ARHGEF10: variants seen among roughly 807,000 people sequenced by gnomAD.
ARHGEF10 encodes the protein Rho guanine nucleotide exchange factor 10, also known as Rho guanine nucleotide exchange factor (GEF) 10.
In ARHGEF10, 140 loss-of-function variants were observed where a neutral mutation model predicts 147.4. The observed-to-expected ratio is 0.95, with a 90% CI of 0.83 to 1.09. The LOEUF is 1.09. Ranked by LOEUF, ARHGEF10 falls within the 50% of genes least tolerant of loss-of-function variation. The pLI, the probability that ARHGEF10 is intolerant of heterozygous loss-of-function variation, is 0.00. For missense variants in ARHGEF10, 2,222 were observed against 1,752.7 expected, an observed-to-expected ratio of 1.27 and a Z score of -4.78; for synonymous variants, 902 against 695.8, an observed-to-expected ratio of 1.30 and a Z score of -4.67.
At chr8:1,920,010 C>A (rs1321144292) in intron 18 of ARHGEF10, among the ~76,000 whole-genome samples, 2 of 146,466 alleles carry the variant, frequency 1.4e-5, no homozygotes, top group Non-Finnish European at 1.5e-5. Flanking sequence ...TGGAGCTGTT[C>A]TGTGGATGAT....
intron 23 of ARHGEF10, chr8:1,927,424 A>G (rs576804320): frequency 6.6e-6 from 1 of 152,374 alleles, no homozygotes; most frequent in South Asian, 2.1e-4. Flanking sequence ...AGTTGGTGGA[A>G]AAGAAAAAGA....
chr8:1,915,156 C>G (rs373971352), intron 18 of ARHGEF10, among the ~76,000 whole-genome samples: 38 of 152,130 alleles, frequency 2.5e-4, no homozygotes, highest in Non-Finnish European at 1.0e-4. Context: ...TGAGAAAGGC[C>G]TTCAAACATA....
In ARHGEF10 at chr8:1,948,108, G is replaced by T. The variant is rs1027966166; in HGVS notation, c.3397+2453G>T. Among the ~76,000 whole-genome samples, 1 of 152,030 alleles carries T rather than the reference G, an allele frequency of 6.6e-6. No homozygotes were observed. The highest frequency in any genetic ancestry group is 2.4e-5 in the African/African-American group (1 of 41,404). On this transcript the variant is annotated intron_variant, in intron 27 of 28. Transcript: ENST00000349830. This position sits in a 1 kb window ranked among gnomAD's most constrained non-coding sequence, Gnocchi z 4.9. ...CCCTTCAGCTCATAGTTTCCAGGCG[G>T]CCGATGATGGATCCATCCCAAGCCC...
chr8:1,925,387 AAGC>A lies in ARHGEF10; in HGVS notation c.2599_2601del (p.Gln867del). On this transcript the variant is annotated inframe_deletion, in exon 22 of 29. Coordinates refer to ENST00000349830, the MANE Select transcript of ARHGEF10 (RefSeq NM_014629.4). ...CGGACACATGCCCGTGATGGTGGCC[AAGC>A]AGCAGGAGTTCAAGGTGAAGGGAGG... 1 of 1,614,146 alleles carries A rather than the reference AAGC, an allele frequency of 6.2e-7. No homozygotes were observed. Among genetic ancestry groups the A allele is most frequent in the South Asian group, 1.1e-5 (1 of 91,076 alleles).
At chr8:1,943,154 C>G (rs896702381) in intron 26 of ARHGEF10, among the ~76,000 whole-genome samples, 13 of 152,352 alleles carry the variant, frequency 8.5e-5, no homozygotes, top group Admixed American at 6.5e-4. Flanking sequence ...AGCGGCCTGC[C>G]TAGCACAGGC....
rs140230426 is a variant in ARHGEF10 at position 1,924,029 on chromosome 8, C to T, written c.2488+155C>T. On this transcript the variant is annotated intron_variant, in intron 21 of 28. Coordinates refer to ENST00000349830, the MANE Select transcript of ARHGEF10 (RefSeq NM_014629.4). ...TAAACAGGAAAATTCACCCTGGCAC[C>T]GGCGATTTTTTAGATGTTCATATTA... Among the ~76,000 whole-genome samples the T allele has an allele frequency of 7.9e-5, 12 of 152,260 alleles. No individual in the cohort carries two copies. The East Asian group carries it at 1.4e-3, about 17-fold the overall frequency.
intron 1 of ARHGEF10, among the ~76,000 whole-genome samples, chr8:1,832,272 G>A (rs906818657): frequency 2.0e-5 from 3 of 152,162 alleles, no homozygotes; most frequent in African/African-American, 7.2e-5. Flanking sequence ...AGGCTGTGTC[G>A]AGGGTCATGT....
In ARHGEF10 at chr8:1,848,119, C is replaced by T. The variant is rs375754616; in HGVS notation, c.37+4683C>T. Among the ~76,000 whole-genome samples the T allele has an allele frequency of 2.6e-5, 4 of 152,348 alleles. No individual in the cohort carries two copies. In the South Asian group the frequency reaches 8.3e-4, roughly 32 times the overall value. On this transcript the variant is annotated intron_variant, in intron 2 of 28. Transcript: ENST00000349830. The stretch of plus-strand genomic sequence containing the variant: ...GGTAGCTTGTAGAATAAATATTTCG[C>T]TAAAGAAAACAGAAAATTGAAGTGT...
chr8:1,916,087 G>T (rs537545930), intron 18 of ARHGEF10, among the ~76,000 whole-genome samples: 1 of 152,214 alleles, frequency 6.6e-6, no homozygotes, highest in African/African-American at 2.4e-5. Context: ...CATAAGTCTC[G>T]TGGAGAAGAC....
At chr8:1,945,827 A>G (rs942086106) in intron 27 of ARHGEF10, 172 bp downstream of exon 27, 1 of 1,027,608 alleles carries the variant, frequency 9.7e-7, no homozygotes, top group African/African-American at 1.6e-5. Flanking sequence ...AGTACGGAGC[A>G]TGGTCAGCCC....
chr8:1,878,450 G>T (rs937918354), intron 8 of ARHGEF10, among the ~76,000 whole-genome samples: 1 of 152,196 alleles, frequency 6.6e-6, no homozygotes, highest in Non-Finnish European at 1.5e-5. Context: ...CCTCCAAAGT[G>T]CTGGGATTAC....
chr8:1,898,596 T>C, intron 15 of ARHGEF10, 71 bp downstream of exon 15: 1 of 1,466,250 alleles, frequency 6.8e-7, no homozygotes, highest in Non-Finnish European at 9.5e-7. Context: ...AAATGGCGTC[T>C]GTTCCTCCAC....
At chr8:1,901,354 C>T (rs3758017) in intron 15 of ARHGEF10, among the ~76,000 whole-genome samples, 29,426 of 152,120 alleles carry the variant, frequency 0.19, 5,530 homozygotes, top group African/African-American at 0.49. Context: ...TGCGTTCTTC[C>T]TGGTTAGTGC....
At chr8:1,921,644 A>G (rs1257545207) in intron 18 of ARHGEF10, among the ~76,000 whole-genome samples, 1 of 152,154 alleles carries the variant, frequency 6.6e-6, no homozygotes, top group African/African-American at 2.4e-5. Context: ...CTGAGGCAGG[A>G]GAATCGTTTG....
intron 15 of ARHGEF10, among the ~76,000 whole-genome samples, chr8:1,899,045 A>G (rs1426432865): frequency 6.6e-6 from 1 of 152,240 alleles, no homozygotes; most frequent in African/African-American, 2.4e-5. Context: ...TGCGATGGTG[A>G]AAACACTGTC....
chr8:1,906,330 C>T (rs773177110), intron 17 of ARHGEF10, among the ~76,000 whole-genome samples: 10 of 152,158 alleles, frequency 6.6e-5, no homozygotes, highest in Non-Finnish European at 8.8e-5. Context: ...TTCGTCATGT[C>T]TTGCAAGAGT....
At chr8:1,942,363 G>C (rs1410207898) in intron 26 of ARHGEF10, among the ~76,000 whole-genome samples, 1 of 151,656 alleles carries the variant, frequency 6.6e-6, no homozygotes, top group African/African-American at 2.4e-5. Context: ...AAGATGGTCA[G>C]CATTGTTGCT....
At chr8:1,838,691 C>T (rs11776743) in intron 1 of ARHGEF10, among the ~76,000 whole-genome samples, 8,750 of 152,370 alleles carry the variant, frequency 0.057, 309 homozygotes, top group South Asian at 0.16. Context: ...ATCCGATTGT[C>T]GGAAGCATTG....
At chr8:1,853,089 G>T (rs557872184) in intron 2 of ARHGEF10, among the ~76,000 whole-genome samples, 1 of 152,126 alleles carries the variant, frequency 6.6e-6, no homozygotes, top group South Asian at 2.1e-4. Flanking sequence ...GGGCACTGGC[G>T]GGTGGTTAGA....
Sources: gnomAD v4.1 joint callset for allele counts (sites outside exome capture counted in the v4.1 genomes callset) on GRCh38, gnomAD v4.1.1 for gene constraint, Gnocchi (gnomAD v3.1) non-coding constraint, MANE v1.5 for transcripts, NCBI Gene and HGNC (gene_info 2026-07-23, HGNC 2026-07-21) for gene names.